ST7: variants seen among roughly 807,000 people sequenced by gnomAD.
The protein encoded by ST7 is suppression of tumorigenicity 7.
A neutral mutation model predicts 78.7 loss-of-function variants in ST7; 28 were observed. That is an observed-to-expected ratio of 0.36 (90% confidence interval 0.26 to 0.49). The LOEUF (loss-of-function observed/expected upper bound fraction) is 0.49, where lower values mean the gene tolerates loss of function less well. Ranked by LOEUF, ST7 falls within the 20% of genes least tolerant of loss-of-function variation. The pLI is 0.99. For synonymous variants in ST7, 247 were observed against 249.6 expected (o/e 0.99, Z 0.10); for missense variants, 418 against 696.0 (o/e 0.60, Z 4.49).
At chr7:117,061,064 T>C (rs1475164218) in intron 1 of ST7, among the ~76,000 whole-genome samples, 2 of 152,186 alleles carry the variant, frequency 1.3e-5, no homozygotes, top group African/African-American at 4.8e-5. Context: ...TAAATCCAAT[T>C]CCTGCCCTTT....
At chr7:116,974,336 G>T (rs1191328684) in intron 1 of ST7, among the ~76,000 whole-genome samples, 1 of 150,776 alleles carries the variant, frequency 6.6e-6, no homozygotes, top group Non-Finnish European at 1.5e-5. Flanking sequence ...CGCCCAGGCT[G>T]GAGTGCAGTG....
rs1173787247 is a variant in ST7 at position 117,221,975 on chromosome 7, C to T, written c.1551C>T (p.Leu517=). The T allele has an allele frequency of 6.2e-7, 1 of 1,613,258 alleles. No homozygotes were observed. The highest frequency in any genetic ancestry group is 8.5e-7 in the Non-Finnish European group (1 of 1,179,658). The change falls in exon 15 of 16, where the codon CTC becomes CTT. Residue 517 remains leucine (L), a synonymous_variant. Transcript: ENST00000323984. The part of the protein sequence containing the change: ...YPKKELPFFI[L]FTAGLCSFTA... ...AGAAGGAGCTTCCCTTCTTTATTCT[C>T]TTTACTGCTGGATTATGTTCCTTCA...
At chr7:117,223,893 T>G in intron 15 of ST7, 1 of 943,320 alleles carries the variant, frequency 1.1e-6, no homozygotes, top group Non-Finnish European at 1.3e-6. Context: ...CAATAAATGA[T>G]TATTAAATAA....
rs1468612190 is a variant in ST7, at chr7:116,989,640, A to C, written c.151+35949A>C. Among the ~76,000 whole-genome samples the C allele has an allele frequency of 2.0e-5, 3 of 151,272 alleles. No individual in the cohort carries two copies. The East Asian group carries it at 5.8e-4, about 29-fold the overall frequency. ...GATTGCTTGAGTCCGGGAGTTTGAGACCAGCATGGGCAACATAGTGAGACC... is the reference window on the plus strand; with the variant it reads ...GATTGCTTGAGTCCGGGAGTTTGAGCCCAGCATGGGCAACATAGTGAGACC... On this transcript the variant is annotated intron_variant, in intron 1 of 15. Transcript: ENST00000323984.
At chr7:117,023,390 C>CA (rs1197664906) in intron 1 of ST7, among the ~76,000 whole-genome samples, 4 of 152,192 alleles carry the variant, frequency 2.6e-5, no homozygotes, top group African/African-American at 9.7e-5. Flanking sequence ...ACACTGCTTT[C>CA]ATCAATATCT....
chr7:116,958,384 T>A (rs1792639631), intron 1 of ST7, among the ~76,000 whole-genome samples: 1 of 152,182 alleles, frequency 6.6e-6, no homozygotes, highest in African/African-American at 2.4e-5. Context: ...GAACTTAGGC[T>A]GCAGCTCAGT....
chr7:117,162,276 G>GTTAATGTTTACTGAATGAATGA, intron 9 of ST7, among the ~76,000 whole-genome samples: 1 of 152,054 alleles, frequency 6.6e-6, no homozygotes, highest in East Asian at 1.9e-4. Flanking sequence ...TTTCATATTT[G>GTTAATGTTTACTGAATGAATGA]TTAATGTTTA....
intron 1 of ST7, chr7:117,014,775 A>C (rs1795530275): frequency 2.8e-6 from 1 of 355,876 alleles, no homozygotes; most frequent in African/African-American, 2.1e-5. Flanking sequence ...AGTAAATAAC[A>C]GTTATTTTCT....
chr7:117,028,091 AAAT>A (rs1484957407), intron 1 of ST7, among the ~76,000 whole-genome samples: 1 of 152,140 alleles, frequency 6.6e-6, no homozygotes, highest in Non-Finnish European at 1.5e-5. Context: ...GACCCAAACA[AAAT>A]AATAGCATAT....
chr7:117,110,587 C>CT (rs1208418518), intron 2 of ST7, among the ~76,000 whole-genome samples: 1 of 152,216 alleles, frequency 6.6e-6, no homozygotes, highest in East Asian at 1.9e-4. Flanking sequence ...AGCCTGCACT[C>CT]TGTCACTCAT....
intron 1 of ST7, among the ~76,000 whole-genome samples, chr7:117,084,698 A>T (rs1012405482): frequency 6.6e-6 from 1 of 152,240 alleles, no homozygotes; most frequent in African/African-American, 2.4e-5. Flanking sequence ...TGGTTGTTTT[A>T]TGAAGATTCT....
intron 1 of ST7, chr7:117,022,783 C>T (rs1795990292): frequency 6.6e-6 from 1 of 152,138 alleles, no homozygotes; most frequent in Non-Finnish European, 1.5e-5. Context: ...ATTATGGTTG[C>T]AGTGCCTTAC....
chr7:117,210,169 G>A (rs1459605073), intron 13 of ST7, among the ~76,000 whole-genome samples: 1 of 152,180 alleles, frequency 6.6e-6, no homozygotes, highest in East Asian at 1.9e-4. Context: ...ATTATAGATG[G>A]GGTGAACCCA....
intron 2 of ST7, among the ~76,000 whole-genome samples, chr7:117,115,881 C>T (rs533617771): frequency 6.6e-6 from 1 of 152,316 alleles, no homozygotes; most frequent in African/African-American, 2.4e-5. Context: ...CCCTTATCAT[C>T]CACCCAGTCA....
intron 9 of ST7, among the ~76,000 whole-genome samples, chr7:117,151,532 C>T (rs1806245460): frequency 6.6e-6 from 1 of 150,546 alleles, no homozygotes; most frequent in South Asian, 2.1e-4. Flanking sequence ...CACTCATGTG[C>T]ACACACACAC....
intron 1 of ST7, chr7:116,954,817 A>C: frequency 3.6e-6 from 1 of 279,488 alleles, no homozygotes; most frequent in Non-Finnish European, 7.0e-6. Context: ...AAGTCTGGAA[A>C]TGCATTTTCC....
In ST7 at chr7:117,131,973, A is replaced by G. The variant is rs778146198; in HGVS notation, c.641+13A>G. 1.2e-6 allele frequency: 2 copies of G among 1,609,740 alleles called. No homozygotes were observed. The highest frequency in any genetic ancestry group is 3.3e-5 in the Admixed American group (2 of 59,722). On this transcript the variant is annotated intron_variant, in intron 6 of 15. Coordinates refer to ENST00000323984, the MANE Select transcript of ST7 (RefSeq NM_001369598.1). ...TGGAGATAAATGAGTAAGTGGGGGA[A>G]AATCTTGCTGTTAAAAAGGAAATCT... is the stretch of plus-strand genomic sequence containing the variant.
rs368037574 is a variant in ST7, at chr7:117,209,861, A to G, written c.1329A>G (p.Ala443=). 9.9e-6 allele frequency: 16 copies of G among 1,614,042 alleles called. No individual in the cohort carries two copies. Among genetic ancestry groups the G allele is most frequent in the African/African-American group, 8.0e-5 (6 of 74,946 alleles). ...AGAGAGGAGACAGTGAAGCAATAGC[A>G]TATGCATTCTTTCATCTTGCACACT... ...ILKRGDSEAI[A]YAFFHLAHWK... The change falls in exon 13 of 16, where the codon GCA becomes GCG. Residue 443 remains alanine, a synonymous_variant. Coordinates refer to ENST00000323984, the MANE Select transcript of ST7 (RefSeq NM_001369598.1).
intron 1 of ST7, among the ~76,000 whole-genome samples, chr7:117,077,635 A>G (rs1799446132): frequency 1.3e-5 from 2 of 152,206 alleles, no homozygotes. Flanking sequence ...TGCAAGCCAT[A>G]ATAGCTCCAG....
Sources: gnomAD v4.1 joint callset for allele counts (sites outside exome capture counted in the v4.1 genomes callset) on GRCh38, gnomAD v4.1.1 for gene constraint, MANE v1.5 for transcripts, NCBI Gene and HGNC (gene_info 2026-07-23, HGNC 2026-07-21) for gene names.